Variants in LRRC4C observed in about 807,000 individuals in gnomAD.
LRRC4C encodes the protein leucine rich repeat containing 4C, also known as leucine-rich repeat-containing protein 4C.
LRRC4C carries 5 observed loss-of-function variants against 33.6 expected under a neutral mutation model. The ratio of observed to expected loss-of-function variants is 0.15; its 90% CI spans 0.08 to 0.31. The LOEUF (loss-of-function observed/expected upper bound fraction) is 0.31, where lower values mean the gene tolerates loss of function less well. Among genes scored for constraint, LRRC4C ranks in the 10% least tolerant of loss-of-function variants. The pLI is 1.00. For missense variants in LRRC4C, 560 were observed against 796.7 expected, an observed-to-expected ratio of 0.70 and a Z score of 3.58; for synonymous variants, 329 against 302.0, an observed-to-expected ratio of 1.09 and a Z score of -0.93.
rs189359986 is a variant in LRRC4C, at chr11:40,539,593, G to T, written c.-270+108549C>A. Among the ~76,000 whole-genome samples the T allele has an allele frequency of 4.6e-3, 701 of 152,082 alleles. 6 individuals are homozygous for T. The highest frequency in any genetic ancestry group is 6.4e-3 in the Non-Finnish European group (438 of 67,998). On this transcript the variant is annotated intron_variant, in intron 3 of 6. Coordinates refer to ENST00000528697, the MANE Select transcript of LRRC4C (RefSeq NM_001258419.2). The stretch of plus-strand genomic sequence containing the variant: ...AAATTCAAAAGTACAAAAAGATGGG[G>T]ATAGTTGCAAAAGTCCAATAATTAA...
intron 1 of LRRC4C, among the ~76,000 whole-genome samples, chr11:41,233,807 A>T (rs1010263333): frequency 3.3e-5 from 5 of 152,064 alleles, no homozygotes; most frequent in Non-Finnish European, 7.4e-5. Context: ...AAGGGGAAAA[A>T]AATTGTGAAA....
chr11:41,013,927 C>G (rs934824850), intron 1 of LRRC4C, among the ~76,000 whole-genome samples: 3 of 152,070 alleles, frequency 2.0e-5, no homozygotes, highest in African/African-American at 7.2e-5. Flanking sequence ...ACAACCAGAT[C>G]TTGAGAGAAC....
intron 1 of LRRC4C, among the ~76,000 whole-genome samples, chr11:41,255,707 A>C (rs1442329610): frequency 2.0e-5 from 3 of 148,712 alleles, no homozygotes; most frequent in Non-Finnish European, 4.4e-5. Context: ...TAAGGGTAGA[A>C]GGGAATTTTT....
rs540746780 is a variant in LRRC4C at position 40,363,075 on chromosome 11, T to A, written c.-269-43354A>T. 2.6e-5 allele frequency among the ~76,000 whole-genome samples: 4 copies of A among 152,318 alleles called. No homozygotes were observed. In the East Asian group the frequency reaches 7.7e-4, roughly 29 times the overall value. On this transcript the variant is annotated intron_variant, in intron 3 of 6. Coordinates refer to ENST00000528697, the MANE Select transcript of LRRC4C (RefSeq NM_001258419.2). ...TACTGGGTATATACCTAAAGGAATATAAATTGTTCTCTTATAAGGACACAT... is the reference window on the plus strand; with the variant it reads ...TACTGGGTATATACCTAAAGGAATAAAAATTGTTCTCTTATAAGGACACAT...
chr11:40,707,804 C>T (rs190051150), intron 2 of LRRC4C, among the ~76,000 whole-genome samples: 223 of 152,248 alleles, frequency 1.5e-3, no homozygotes, highest in Middle Eastern at 0.01. Context: ...TCTCTTTGTA[C>T]CTCTGGTATA....
chr11:40,326,891 G>GA (rs1233007194), intron 3 of LRRC4C, among the ~76,000 whole-genome samples: 1 of 152,206 alleles, frequency 6.6e-6, no homozygotes, highest in African/African-American at 2.4e-5. Flanking sequence ...GTGCAGAGAG[G>GA]AAAGTTCAGT....
rs1057363871 is a variant in LRRC4C at position 40,431,433 on chromosome 11, G to T, written c.-269-111712C>A. 4.7e-5 allele frequency among the ~76,000 whole-genome samples: 7 copies of T among 150,160 alleles called. No homozygotes were observed. In the East Asian group the frequency reaches 1.4e-3, roughly 30 times the overall value. ...AAAAATCAGACATTCTTAACTATAAGGTATTTTGAGGTTTGTCCATTTTGC... is the reference window on the plus strand; with the variant it reads ...AAAAATCAGACATTCTTAACTATAATGTATTTTGAGGTTTGTCCATTTTGC... On this transcript the variant is annotated intron_variant, in intron 3 of 6. Transcript: ENST00000528697.
intron 2 of LRRC4C, among the ~76,000 whole-genome samples, chr11:40,702,533 A>G (rs1471141012): frequency 6.6e-6 from 1 of 152,048 alleles, no homozygotes; most frequent in Non-Finnish European, 1.5e-5. Context: ...CTTTCCATTA[A>G]GATTAGAACA....
At position 41,012,830 on chromosome 11, in the gene LRRC4C, G is replaced by A. The variant is rs539136617; in HGVS notation, c.-495-79107C>T. 5.3e-4 allele frequency among the ~76,000 whole-genome samples: 81 copies of A among 152,134 alleles called. 4 individuals are homozygous for A. The South Asian group carries it at 0.014, about 27-fold the overall frequency. ...TTGTGGTTTGAATTGGCATTTCTCC[G>A]ATGATTTGTGGTACTGAACATTTTC... On this transcript the variant is annotated intron_variant, in intron 1 of 6. Coordinates refer to ENST00000528697, the MANE Select transcript of LRRC4C (RefSeq NM_001258419.2).
chr11:40,448,835 C>T (rs1319542989), intron 3 of LRRC4C, among the ~76,000 whole-genome samples: 3 of 152,168 alleles, frequency 2.0e-5, no homozygotes, highest in Non-Finnish European at 4.4e-5. Flanking sequence ...CTGTCTTCCA[C>T]AATAGTTGAA....
chr11:40,780,133 C>A (rs979623754), intron 2 of LRRC4C, among the ~76,000 whole-genome samples: 1 of 151,938 alleles, frequency 6.6e-6, no homozygotes, highest in Admixed American at 6.6e-5. Flanking sequence ...TTAAAAGATA[C>A]ACATCCATCA....
At chr11:40,791,957 G>A (rs2135166306) in intron 2 of LRRC4C, among the ~76,000 whole-genome samples, 1 of 151,982 alleles carries the variant, frequency 6.6e-6, no homozygotes, top group African/African-American at 2.4e-5. Context: ...TCCTTTAGTG[G>A]CTACGTAGTC....
At chr11:40,496,625 T>C (rs1954474088) in intron 3 of LRRC4C, among the ~76,000 whole-genome samples, 1 of 152,150 alleles carries the variant, frequency 6.6e-6, no homozygotes, top group African/African-American at 2.4e-5. Context: ...TTTATGGTTG[T>C]CAATCATTTT....
At chr11:40,182,867 T>C (rs763621883) in intron 5 of LRRC4C, among the ~76,000 whole-genome samples, 9 of 152,208 alleles carry the variant, frequency 5.9e-5, no homozygotes, top group Non-Finnish European at 5.9e-5. Flanking sequence ...TTTAAGATCA[T>C]TACACGTGTT....
At chr11:40,159,963 T>C (rs374527074) in intron 5 of LRRC4C, among the ~76,000 whole-genome samples, 1 of 152,234 alleles carries the variant, frequency 6.6e-6, no homozygotes, top group East Asian at 1.9e-4. Context: ...AAGAACCCTG[T>C]TTAATTTTCA....
intron 5 of LRRC4C, among the ~76,000 whole-genome samples, chr11:40,164,239 T>C (rs1157511823): frequency 6.6e-6 from 1 of 152,296 alleles, no homozygotes; most frequent in Non-Finnish European, 1.5e-5. Context: ...AGCTCATCAA[T>C]GGATGAATGA....
chr11:40,648,994 G>A (rs1344709204), intron 2 of LRRC4C, among the ~76,000 whole-genome samples: 1 of 152,102 alleles, frequency 6.6e-6, no homozygotes. Context: ...AAGGGAAGTA[G>A]GTCACAAAGA....
chr11:40,318,497 C>T (rs1330875860), intron 4 of LRRC4C, among the ~76,000 whole-genome samples: 1 of 152,134 alleles, frequency 6.6e-6, no homozygotes, highest in Non-Finnish European at 1.5e-5. Flanking sequence ...TCTACAGATA[C>T]TTGGCTTGGT....
rs918725219 is a variant in LRRC4C, at chr11:40,920,960, G to T, written c.-407+12675C>A. On this transcript the variant is annotated intron_variant, in intron 2 of 6. Coordinates refer to ENST00000528697, the MANE Select transcript of LRRC4C (RefSeq NM_001258419.2). ...TTTTGAGATAGGGTCTTGCTCTGTT[G>T]TCCAGGCTGAAGCATAGTGTCATCA... 4.2e-5 allele frequency among the ~76,000 whole-genome samples: 6 copies of T among 143,296 alleles called. No individual in the cohort carries two copies. The South Asian group carries it at 1.1e-3, about 26-fold the overall frequency. The allele number at this position is 143,296 out of a possible 152,430, so 94.0% of individuals were successfully genotyped here.
Sources: allele counts gnomAD v4.1 joint callset (sites outside exome capture counted in the v4.1 genomes callset), GRCh38; gene constraint gnomAD v4.1.1; transcripts MANE v1.5; gene names NCBI Gene and HGNC (gene_info 2026-07-23, HGNC 2026-07-21).